Variants in LDLRAD3 observed in about 807,000 individuals in gnomAD.
LDLRAD3 encodes the protein low density lipoprotein receptor class A domain containing 3.
Under a neutral mutation model 29.4 loss-of-function variants are expected in LDLRAD3, and 20 were observed. The ratio of observed to expected loss-of-function variants is 0.68; its 90% confidence interval spans 0.48 to 0.99. The LOEUF is 0.99. Ranked by LOEUF, LDLRAD3 falls within the 50% of genes least tolerant of loss-of-function variation. The probability of loss-of-function intolerance (pLI) is 0.00; values close to 1 mark genes in which losing one functional copy is unlikely to be tolerated. For synonymous variants in LDLRAD3, 157 were observed against 192.7 expected (o/e 0.81, Z 1.53); for missense variants, 420 against 454.3 (o/e 0.92, Z 0.69).
At chr11:36,229,049 C>T in intron 5 of LDLRAD3, 111 bp from the exon 6 acceptor site, 2 of 746,492 alleles carry the variant, frequency 2.7e-6, no homozygotes, top group Non-Finnish European at 4.7e-6. Context: ...TCTCATTTCG[C>T]ACTGGAAACA....
chr11:35,983,427 C>T lies in LDLRAD3; in HGVS notation c.46+39283C>T, dbSNP rs976745102. Among the ~76,000 whole-genome samples the T allele has an allele frequency of 2.8e-4, 43 of 152,068 alleles. 1 individual carries two copies. Among genetic ancestry groups the T allele is most frequent in the African/African-American group, 2.2e-4 (9 of 41,388 alleles). ...CTCTCCCCGTATCCATATAACAAAC[C>T]GCATGGACCTGTTTGGGCTATGAGG... On this transcript the variant is annotated intron_variant, in intron 1 of 5. Coordinates refer to ENST00000315571, the MANE Select transcript of LDLRAD3 (RefSeq NM_174902.4).
rs112034266 is a variant in LDLRAD3, at chr11:35,991,137, G to A, written c.47-44966G>A. On this transcript the variant is annotated intron_variant, in intron 1 of 5. Coordinates refer to ENST00000315571, the MANE Select transcript of LDLRAD3 (RefSeq NM_174902.4). ...TGTTGTTTGGTAATGCACAGCTTCT[G>A]TTTGCAGCATGATGCTCTTCTAGGT... is the stretch of plus-strand genomic sequence containing the variant. 5.2e-3 allele frequency among the ~76,000 whole-genome samples: 789 copies of A among 152,316 alleles called. 17 individuals are homozygous for A. Among genetic ancestry groups the A allele is most frequent in the African/African-American group, 0.018 (760 of 41,566 alleles).
intron 1 of LDLRAD3, among the ~76,000 whole-genome samples, chr11:36,018,960 A>G (rs7118209): frequency 0.023 from 3,541 of 151,996 alleles, 121 homozygotes; most frequent in African/African-American, 0.08. Flanking sequence ...GACATAGAGG[A>G]TTGTTTTAAA....
chr11:36,103,082 G>A (rs924709463), intron 4 of LDLRAD3, among the ~76,000 whole-genome samples: 1 of 151,910 alleles, frequency 6.6e-6, no homozygotes, highest in African/African-American at 2.4e-5. Context: ...TCTCCAGAAC[G>A]TTTTCATTTT....
chr11:36,144,385 C>T lies in LDLRAD3; in HGVS notation c.454+45924C>T, dbSNP rs1590304674. Reference sequence around the variant, plus strand: ...GAAGTGAGGAGTGTCTCTGCCTGGCCGCCCATCATCTGGGATGTGAGGAGC... The same window carrying T: ...GAAGTGAGGAGTGTCTCTGCCTGGCTGCCCATCATCTGGGATGTGAGGAGC... On this transcript the variant is annotated intron_variant, in intron 4 of 5. Transcript: ENST00000315571. 3.5e-5 allele frequency among the ~76,000 whole-genome samples: 5 copies of T among 141,196 alleles called. No individual in the cohort carries two copies. The South Asian group carries it at 1.1e-3, about 30-fold the overall frequency. The allele number at this position is 141,196 out of a possible 152,430, so 92.6% of individuals were successfully genotyped here.
At chr11:36,047,286 G>A (rs1852464721) in intron 2 of LDLRAD3, among the ~76,000 whole-genome samples, 1 of 152,194 alleles carries the variant, frequency 6.6e-6, no homozygotes, top group African/African-American at 2.4e-5. Context: ...CAGATATTAG[G>A]TTACTTTTTG....
intron 1 of LDLRAD3, among the ~76,000 whole-genome samples, chr11:36,005,922 T>C (rs1261437277): frequency 6.6e-6 from 1 of 152,076 alleles, no homozygotes; most frequent in Admixed American, 6.5e-5. Flanking sequence ...CATGAGAACT[T>C]GCTATCACGA....
Position 35,955,071 on chromosome 11 carries a change from A to G in LDLRAD3, c.46+10927A>G, listed in dbSNP as rs1267794015. On this transcript the variant is annotated intron_variant, in intron 1 of 5. Transcript: ENST00000315571. ...ACCAGCCTGGCCAACATGGCGAAAC[A>G]TCATCTCTACTAAAAATATAAAAAT... Among the ~76,000 whole-genome samples, 11 of 152,102 alleles carry G rather than the reference A, an allele frequency of 7.2e-5. 1 individual carries two copies. The East Asian group carries it at 2.1e-3, about 29-fold the overall frequency.
intron 2 of LDLRAD3, among the ~76,000 whole-genome samples, chr11:36,071,925 A>C (rs934926394): frequency 6.6e-6 from 1 of 152,230 alleles, no homozygotes; most frequent in African/African-American, 2.4e-5. Context: ...GAGCATGTTT[A>C]CCAAAATGTC....
chr11:36,217,760 G>A (rs1229077379), intron 4 of LDLRAD3, among the ~76,000 whole-genome samples: 2 of 151,784 alleles, frequency 1.3e-5, no homozygotes, highest in South Asian at 2.1e-4. Flanking sequence ...TTCTGGGGCC[G>A]CTGGCAATTC....
At chr11:36,103,440 C>T (rs903196528) in intron 4 of LDLRAD3, among the ~76,000 whole-genome samples, 1 of 152,018 alleles carries the variant, frequency 6.6e-6, no homozygotes, top group African/African-American at 2.4e-5. Flanking sequence ...GGGGTTTCAC[C>T]GTGTTAGCCG....
At chr11:35,963,079 G>A (rs934591717) in intron 1 of LDLRAD3, among the ~76,000 whole-genome samples, 3 of 152,182 alleles carry the variant, frequency 2.0e-5, no homozygotes, top group African/African-American at 7.2e-5. Flanking sequence ...GGAAGGCCAG[G>A]CCACAAGGAC....
At chr11:36,009,630 T>A (rs938197144) in intron 1 of LDLRAD3, among the ~76,000 whole-genome samples, 2 of 152,218 alleles carry the variant, frequency 1.3e-5, no homozygotes, top group Non-Finnish European at 2.9e-5. Context: ...CCCTTATAAG[T>A]GGATTGGGTG....
intron 4 of LDLRAD3, among the ~76,000 whole-genome samples, chr11:36,099,837 A>G (rs924181176): frequency 2.6e-5 from 4 of 152,204 alleles, no homozygotes; most frequent in East Asian, 1.9e-4. Flanking sequence ...CAAAATGTGT[A>G]TTGGCATAGA....
At chr11:36,102,075 C>A (rs12362558) in intron 4 of LDLRAD3, 36,784 of 182,772 alleles carry the variant, frequency 0.2, 4,122 homozygotes, top group East Asian at 0.34. Flanking sequence ...TTTTTAGTAG[C>A]GACGGGGTTT....
chr11:36,215,655 C>T (rs1855342529), intron 4 of LDLRAD3, among the ~76,000 whole-genome samples: 1 of 152,168 alleles, frequency 6.6e-6, no homozygotes, highest in Non-Finnish European at 1.5e-5. Flanking sequence ...CTCCAAGATG[C>T]TGGAGCTTGT....
chr11:36,062,357 C>A (rs1852714194), intron 2 of LDLRAD3, among the ~76,000 whole-genome samples: 1 of 152,142 alleles, frequency 6.6e-6, no homozygotes, highest in Non-Finnish European at 1.5e-5. Context: ...CATTTTGGGG[C>A]CAGGTAAGTC....
At chr11:36,036,432 CA>C (rs1235598344) in intron 2 of LDLRAD3, among the ~76,000 whole-genome samples, 183 bp downstream of exon 2, 1 of 152,072 alleles carries the variant, frequency 6.6e-6, no homozygotes, top group Non-Finnish European at 1.5e-5. Flanking sequence ...TCTGTGTAGA[CA>C]CAGGGATCTT....
chr11:36,038,185 G>A lies in LDLRAD3; in HGVS notation c.193+1936G>A, dbSNP rs570530508. ...CGTGCTGGGATTACAGATTACAGAT[G>A]TGAGCCACCAAGCCCGGCCTGCAGA... is the stretch of plus-strand genomic sequence containing the variant. On this transcript the variant is annotated intron_variant, in intron 2 of 5. Coordinates refer to ENST00000315571, the MANE Select transcript of LDLRAD3 (RefSeq NM_174902.4). Among the ~76,000 whole-genome samples, 7 of 152,278 alleles carry A rather than the reference G, an allele frequency of 4.6e-5. No individual in the cohort carries two copies. In the South Asian group the frequency reaches 1.2e-3, roughly 27 times the overall value.
Sources: gnomAD v4.1 joint callset for allele counts (sites outside exome capture counted in the v4.1 genomes callset) on GRCh38, gnomAD v4.1.1 for gene constraint, MANE v1.5 for transcripts, NCBI Gene and HGNC (gene_info 2026-07-23, HGNC 2026-07-21) for gene names.